ANKAR: variants seen among roughly 807,000 people sequenced by gnomAD.
ANKAR encodes ankyrin and armadillo repeat-containing protein.
In ANKAR, 136 loss-of-function variants were observed where a neutral mutation model predicts 146.2. The ratio of observed to expected loss-of-function variants is 0.93; its 90% CI spans 0.81 to 1.07. ANKAR has a LOEUF of 1.07. Ranked by LOEUF, ANKAR falls within the 50% of genes least tolerant of loss-of-function variation. The probability of loss-of-function intolerance (pLI) is 0.00; values close to 1 mark genes in which losing one functional copy is unlikely to be tolerated. For synonymous variants in ANKAR, 500 were observed against 575.8 expected, an observed-to-expected ratio of 0.87 and a Z score of 1.88; for missense variants, 1,567 against 1,679.9, an observed-to-expected ratio of 0.93 and a Z score of 1.18.
intron 7 of ANKAR, among the ~76,000 whole-genome samples, chr2:189,699,960 C>A (rs1347750981): frequency 1.3e-5 from 2 of 152,160 alleles, no homozygotes; most frequent in East Asian, 3.8e-4. Context: ...GCCACTGCAC[C>A]GGGCCTGATA....
At chr2:189,727,590 G>T (rs1401496464) in intron 12 of ANKAR, among the ~76,000 whole-genome samples, 1 of 150,184 alleles carries the variant, frequency 6.7e-6, no homozygotes, top group East Asian at 1.9e-4. Context: ...AAAAATGCAG[G>T]CTGTTGTTTT....
chr2:189,750,038 G>T (rs1490663373), downstream of ANKAR, among the ~76,000 whole-genome samples: 1 of 152,080 alleles, frequency 6.6e-6, no homozygotes, highest in South Asian at 2.1e-4. Context: ...CAGGAGAATC[G>T]CTTGAACCCA....
chr2:189,703,940 C>T (rs1212717902), intron 7 of ANKAR, among the ~76,000 whole-genome samples: 2 of 152,160 alleles, frequency 1.3e-5, no homozygotes, highest in African/African-American at 2.4e-5. Flanking sequence ...GAACTGCCCT[C>T]ATGATCCAGT....
intron 18 of ANKAR, among the ~76,000 whole-genome samples, chr2:189,757,976 G>C (rs2046331423): frequency 6.6e-6 from 1 of 152,168 alleles, no homozygotes. Flanking sequence ...ATGTAGAATG[G>C]TAATTCCCAA....
chr2:189,752,683 T>C lies in ANKAR; in HGVS notation c.*584+7895T>C, dbSNP rs2045463121. ...TTCATAGCGGATGCCTTCTATGTCA[T>C]GTAAAATGCCCAAGCCAGCACGTAG... On this transcript the variant is annotated intron_variant and NMD_transcript_variant, in intron 18 of 18. Transcript: ENST00000441800. 5 of 1,613,870 alleles carry C rather than the reference T, an allele frequency of 3.1e-6. No individual in the cohort carries two copies. The South Asian group carries it at 4.4e-5, about 14-fold the overall frequency.
chr2:189,729,263 G>C (rs1402241531), intron 15 of ANKAR, among the ~76,000 whole-genome samples: 2 of 152,128 alleles, frequency 1.3e-5, no homozygotes, highest in Admixed American at 1.3e-4. Flanking sequence ...ACATTTTGGG[G>C]TACCTGAGAA....
At chr2:189,708,039 G>A (rs1172030441) in intron 9 of ANKAR, among the ~76,000 whole-genome samples, 1 of 152,124 alleles carries the variant, frequency 6.6e-6, no homozygotes, top group Non-Finnish European at 1.5e-5. Flanking sequence ...AGAAAGGAGA[G>A]GGACCCGGGA....
At chr2:189,731,043 C>T (rs1396000510) in intron 16 of ANKAR, among the ~76,000 whole-genome samples, 2 of 152,126 alleles carry the variant, frequency 1.3e-5, no homozygotes, top group Non-Finnish European at 2.9e-5. Context: ...TCAGACCAGC[C>T]CTGCCTTCTG....
At chr2:189,733,924 C>T (rs1010104768) in intron 17 of ANKAR, among the ~76,000 whole-genome samples, 1 of 151,964 alleles carries the variant, frequency 6.6e-6, no homozygotes, top group African/African-American at 2.4e-5. Context: ...TTGTGAAGCT[C>T]AGCCCTTCTT....
At chr2:189,712,169 G>A (rs147287896) in intron 10 of ANKAR, among the ~76,000 whole-genome samples, 5,321 of 152,178 alleles carry the variant, frequency 0.035, 106 homozygotes, top group South Asian at 0.069. Flanking sequence ...GGGGGGCAGG[G>A]CATAGCTGAA....
Position 189,722,263 on chromosome 2 carries a change from C to G in ANKAR, c.2635+1476C>G, listed in dbSNP as rs184835402. 3.5e-5 allele frequency among the ~76,000 whole-genome samples: 5 copies of G among 144,826 alleles called. No individual in the cohort carries two copies. The East Asian group carries it at 1.0e-3, about 30-fold the overall frequency. On this transcript the variant is annotated intron_variant, in intron 12 of 22. Coordinates refer to ENST00000684021, the MANE Select transcript of ANKAR (RefSeq NM_001378068.1). Reference sequence around the variant, plus strand: ...CTGAGGCAGGAGAATTGCCTGAACCCGAGAGGCGGAGGTTGCAGTGGGCTG... The same window carrying G: ...CTGAGGCAGGAGAATTGCCTGAACCGGAGAGGCGGAGGTTGCAGTGGGCTG...
At chr2:189,723,207 C>CTTGAA (rs1390487556) in intron 12 of ANKAR, among the ~76,000 whole-genome samples, 1 of 152,140 alleles carries the variant, frequency 6.6e-6, no homozygotes, top group African/African-American at 2.4e-5. Context: ...CATACAGTTT[C>CTTGAA]TTGAAAAGAT....
downstream of ANKAR, chr2:189,747,338 C>CTAAA (rs560791152): frequency 1.3e-5 from 1 of 75,744 alleles, no homozygotes. Flanking sequence ...GACCCTGTCT[C>CTAAA]AAAAAAAAAA....
In ANKAR at chr2:189,692,287, C is replaced by G; in HGVS notation, c.1072C>G (p.Pro358Ala). ...DKVKTERELP[P>A]FIYGRDFKCQ... ...GGTCAAGACAGAGCGAGAATTGCCTCCATTTATTTATGGAAGAGATTTTAA... is the reference window on the plus strand; with the variant it reads ...GGTCAAGACAGAGCGAGAATTGCCTGCATTTATTTATGGAAGAGATTTTAA... The change falls in exon 4 of 23, where the codon CCA becomes GCA. Residue 358 changes from proline to alanine, a missense_variant. Pro to Ala is a conservative substitution (Grantham distance 27). Transcript: ENST00000684021. 6.2e-7 allele frequency: 1 copy of G among 1,612,024 alleles called. No individual in the cohort carries two copies. The highest frequency in any genetic ancestry group is 8.5e-7 in the Non-Finnish European group (1 of 1,179,416).
chr2:189,680,278 C>T (rs781259592), intron 2 of ANKAR, among the ~76,000 whole-genome samples: 7 of 151,996 alleles, frequency 4.6e-5, no homozygotes, highest in Non-Finnish European at 8.8e-5. Context: ...TTTGTGGTAT[C>T]GGTTATAATG....
chr2:189,730,432 T>C (rs2042297284), intron 15 of ANKAR, 63 bp from the exon 16 acceptor site: 1 of 998,988 alleles, frequency 1.0e-6, no homozygotes. Flanking sequence ...TATCAAGCTA[T>C]GTTTGACTTT....
At chr2:189,692,134 A>T in intron 3 of ANKAR, 121 bp from the exon 4 acceptor site, 1 of 814,788 alleles carries the variant, frequency 1.2e-6, no homozygotes, top group South Asian at 2.0e-5. Context: ...ATAATTGCCA[A>T]GATTTTAATT....
At chr2:189,734,643 T>C (rs1472551884) in intron 17 of ANKAR, among the ~76,000 whole-genome samples, 1 of 152,184 alleles carries the variant, frequency 6.6e-6, no homozygotes, top group African/African-American at 2.4e-5. Context: ...TTAAGTCATG[T>C]TATTTTTTTA....
chr2:189,688,766 A>G (rs1441361669), intron 2 of ANKAR, among the ~76,000 whole-genome samples: 1 of 152,210 alleles, frequency 6.6e-6, no homozygotes, highest in Non-Finnish European at 1.5e-5. Context: ...TTTGGGGTGG[A>G]GACTTAACAT....
Sources: allele counts gnomAD v4.1 joint callset (sites outside exome capture counted in the v4.1 genomes callset), GRCh38; gene constraint gnomAD v4.1.1; transcripts MANE v1.5; gene names NCBI Gene and HGNC (gene_info 2026-07-23, HGNC 2026-07-21).